The following MKLN1 variants were observed in gnomAD, a reference collection of about 807,000 sequenced individuals.
MKLN1 encodes muskelin.
MKLN1 carries 18 observed loss-of-function variants against 99.0 expected under a neutral mutation model. The observed-to-expected ratio is 0.18, with a 90% CI of 0.13 to 0.27. The LOEUF (loss-of-function observed/expected upper bound fraction) is 0.27, where lower values mean the gene tolerates loss of function less well. Among genes scored for constraint, MKLN1 ranks in the 10% least tolerant of loss-of-function variants. MKLN1 has a pLI of 1.00. For missense variants in MKLN1, 621 were observed against 875.9 expected (o/e 0.71, Z 3.67); for synonymous variants, 288 against 293.2 (o/e 0.98, Z 0.18).
chr7:131,381,409 C>T (rs1462368354), intron 2 of MKLN1, among the ~76,000 whole-genome samples: 3 of 152,182 alleles, frequency 2.0e-5, no homozygotes, highest in African/African-American at 4.8e-5. Flanking sequence ...ATTCATGCTA[C>T]ATTTACTCTA....
At chr7:131,375,813 A>AGTT (rs1793628580) in intron 2 of MKLN1, among the ~76,000 whole-genome samples, 3 of 151,050 alleles carry the variant, frequency 2.0e-5, no homozygotes, top group Admixed American at 2.0e-4. Context: ...TGGGGAAAAT[A>AGTT]AACTTAAATA....
chr7:131,205,239 A>G (rs1313106043), intron 3 of MKLN1, among the ~76,000 whole-genome samples: 2 of 152,206 alleles, frequency 1.3e-5, no homozygotes, highest in Non-Finnish European at 2.9e-5. Context: ...AACAAACCTA[A>G]CTAGGATTTA....
intron 3 of MKLN1, among the ~76,000 whole-genome samples, chr7:131,286,443 T>A (rs543016073): frequency 1.5e-3 from 222 of 152,326 alleles, no homozygotes; most frequent in Non-Finnish European, 2.5e-3. Flanking sequence ...TAGCTTTGTT[T>A]TTTTTTCCTC....
chr7:131,483,238 TTTTAA>T (rs1195732371), intron 17 of MKLN1, among the ~76,000 whole-genome samples: 3 of 152,190 alleles, frequency 2.0e-5, no homozygotes, highest in Non-Finnish European at 4.4e-5. Flanking sequence ...CCCCACCCCT[TTTTAA>T]TTTATTTTTA....
chr7:131,325,905 G>C (rs868329925), upstream of MKLN1, among the ~76,000 whole-genome samples: 3 of 149,444 alleles, frequency 2.0e-5, no homozygotes, highest in South Asian at 2.2e-4. Flanking sequence ...AAAAGTGGGG[G>C]GGGGGTGGTG....
intron 1 of MKLN1, among the ~76,000 whole-genome samples, chr7:131,137,213 C>G (rs1478150600): frequency 6.6e-6 from 1 of 152,056 alleles, no homozygotes. Flanking sequence ...AGCACATTAT[C>G]GTGTTTATTG....
At chr7:131,302,190 T>C (rs1249623181) in intron 3 of MKLN1, among the ~76,000 whole-genome samples, 2 of 152,226 alleles carry the variant, frequency 1.3e-5, no homozygotes, top group Admixed American at 6.5e-5. Flanking sequence ...GCTCCATGTA[T>C]ATTAATTCAT....
intron 3 of MKLN1, among the ~76,000 whole-genome samples, chr7:131,251,848 T>G (rs1797585949): frequency 6.6e-6 from 1 of 150,818 alleles, no homozygotes; most frequent in Admixed American, 6.6e-5. Context: ...TCTTGTATTT[T>G]TTGTAGAGAT....
In MKLN1 at chr7:131,368,385, T is replaced by C. The variant is rs1300935394; in HGVS notation, c.99-7039T>C. Among the ~76,000 whole-genome samples the C allele has an allele frequency of 2.6e-5, 4 of 152,356 alleles. No homozygotes were observed. The East Asian group carries it at 5.8e-4, about 22-fold the overall frequency. On this transcript the variant is annotated intron_variant, in intron 1 of 17. Transcript: ENST00000352689. Reference sequence around the variant, plus strand: ...ATGGTGTGTTAGTACGTTCTCACACTGTTATAAAGAACTACCTGAGGCTGG... The same window carrying C: ...ATGGTGTGTTAGTACGTTCTCACACCGTTATAAAGAACTACCTGAGGCTGG...
chr7:131,122,118 C>T (rs1351877022), intron 1 of MKLN1, among the ~76,000 whole-genome samples: 1 of 152,176 alleles, frequency 6.6e-6, no homozygotes, highest in Non-Finnish European at 1.5e-5. Context: ...TTTTGTTTCC[C>T]TGGGGCTTGC....
intron 3 of MKLN1, among the ~76,000 whole-genome samples, chr7:131,261,665 A>T (rs1797732978): frequency 6.6e-6 from 1 of 152,210 alleles, no homozygotes; most frequent in Non-Finnish European, 1.5e-5. Flanking sequence ...AGGAATATAA[A>T]TCATTCTGCC....
intron 1 of MKLN1, among the ~76,000 whole-genome samples, chr7:131,341,960 G>A (rs921477888): frequency 2.6e-5 from 4 of 152,196 alleles, no homozygotes; most frequent in African/African-American, 4.8e-5. Context: ...GGGGGTTTGG[G>A]ATCCCTGCAT....
intron 3 of MKLN1, among the ~76,000 whole-genome samples, chr7:131,284,509 T>C (rs1314676827): frequency 6.6e-6 from 1 of 152,326 alleles, no homozygotes; most frequent in African/African-American, 2.4e-5. Flanking sequence ...CTATGTTGGC[T>C]GGATTTAGAT....
At chr7:131,283,367 T>C (rs1243184144) in intron 3 of MKLN1, among the ~76,000 whole-genome samples, 1 of 103,120 alleles carries the variant, frequency 9.7e-6, no homozygotes, top group East Asian at 3.2e-4. Flanking sequence ...CTTCCTTCCT[T>C]CCTTCCTTCC....
intron 3 of MKLN1, among the ~76,000 whole-genome samples, chr7:131,282,950 C>G (rs1241343722): frequency 6.6e-6 from 1 of 152,154 alleles, no homozygotes; most frequent in Non-Finnish European, 1.5e-5. Context: ...CATCTTCATT[C>G]CACTGCAGCT....
At chr7:131,144,713 C>T (rs951589814) in intron 2 of MKLN1, among the ~76,000 whole-genome samples, 13 of 151,814 alleles carry the variant, frequency 8.6e-5, no homozygotes, top group Non-Finnish European at 1.8e-4. Context: ...TACAGTGGCT[C>T]ACACCTGTAA....
chr7:131,321,600 A>T (rs548026271), intron 3 of MKLN1, among the ~76,000 whole-genome samples: 1 of 152,212 alleles, frequency 6.6e-6, no homozygotes, highest in Non-Finnish European at 1.5e-5. Flanking sequence ...AAAAAAATAA[A>T]AACTTTTCAA....
chr7:131,307,034 C>T (rs897697012), intron 3 of MKLN1, among the ~76,000 whole-genome samples: 1 of 152,062 alleles, frequency 6.6e-6, no homozygotes, highest in Admixed American at 6.5e-5. Flanking sequence ...TGCATCCCAG[C>T]CACAGTTGGG....
In MKLN1 at chr7:131,273,628, C is replaced by CTT. The variant is rs369322456; in HGVS notation, c.-179+70667_-179+70668dup. ...ATACCTATGGCTGACTTTTTTTTTC[C>CTT]TTTTTTTTTTTTTTGTGACAGGGTC... On this transcript the variant is annotated intron_variant, in intron 3 of 7. Coordinates refer to the MKLN1 transcript ENST00000416992. 7.0e-4 allele frequency among the ~76,000 whole-genome samples: 98 copies of CTT among 140,492 alleles called. 1 individual carries two copies. Among genetic ancestry groups the CTT allele is most frequent in the Middle Eastern group, 3.5e-3 (1 of 282 alleles). 92.2% of individuals were successfully genotyped at this position (140,492 alleles called of 152,430 possible).
Sources: gnomAD v4.1 joint callset for allele counts (sites outside exome capture counted in the v4.1 genomes callset) on GRCh38, gnomAD v4.1.1 for gene constraint, MANE v1.5 for transcripts, NCBI Gene and HGNC (gene_info 2026-07-23, HGNC 2026-07-21) for gene names.